SV2C: variants seen among roughly 807,000 people sequenced by gnomAD.
SV2C encodes synaptic vesicle glycoprotein 2C.
SV2C carries 49 observed loss-of-function variants against 79.7 expected under a neutral mutation model. That is an observed-to-expected ratio of 0.61 (90% CI 0.49 to 0.78). SV2C has a LOEUF of 0.78. Ranked by LOEUF, SV2C falls within the 30% of genes least tolerant of loss-of-function variation. The pLI, the probability that SV2C is intolerant of heterozygous loss-of-function variation, is 0.00. For synonymous variants in SV2C, 334 were observed against 333.2 expected (o/e 1.00, Z -0.03); for missense variants, 833 against 912.9 (o/e 0.91, Z 1.13).
At chr5:76,057,875 T>C in the SV2C span, among the ~76,000 whole-genome samples, 2 of 152,126 alleles carry the variant, frequency 1.3e-5, no homozygotes, top group South Asian at 2.1e-4. Context: ...ACAGCAAATA[T>C]TTTTCCTTGA....
At chr5:75,916,804 C>T in the SV2C span, among the ~76,000 whole-genome samples, 33 of 152,268 alleles carry the variant, frequency 2.2e-4, 2 homozygotes, top group South Asian at 2.9e-3. Context: ...CCAGCACTTA[C>T]ACCTTTCTGG....
chr5:75,934,437 C>G, the SV2C span, among the ~76,000 whole-genome samples: 1 of 151,604 alleles, frequency 6.6e-6, no homozygotes, highest in Non-Finnish European at 1.5e-5. Context: ...TAGGCGCACA[C>G]CACCACAGCT....
chr5:76,238,122 G>A (rs764127133), intron 4 of SV2C, among the ~76,000 whole-genome samples: 13 of 151,306 alleles, frequency 8.6e-5, no homozygotes, highest in Non-Finnish European at 1.3e-4. Flanking sequence ...TGGAATGTCC[G>A]TCTAATGGGT....
chr5:75,971,150 A>G, the SV2C span, among the ~76,000 whole-genome samples: 1,118 of 152,198 alleles, frequency 7.3e-3, 11 homozygotes, highest in Non-Finnish European at 0.012. Flanking sequence ...ACTCTCAATA[A>G]ATTAGGTATT....
intron 4 of SV2C, among the ~76,000 whole-genome samples, chr5:76,238,785 A>T (rs529304535): frequency 6.6e-6 from 1 of 152,282 alleles, no homozygotes; most frequent in South Asian, 2.1e-4. Flanking sequence ...TCTGAGAAGG[A>T]TGTGGAGGGG....
intron 1 of SV2C, among the ~76,000 whole-genome samples, chr5:76,112,411 G>A (rs937487515): frequency 2.0e-5 from 3 of 152,210 alleles, no homozygotes; most frequent in Admixed American, 6.5e-5. Context: ...GCAAAGGGCT[G>A]GAAGCAGGAA....
intron 5 of SV2C, 55 bp downstream of exon 5, chr5:76,285,350 CT>C: frequency 6.3e-7 from 1 of 1,598,642 alleles, no homozygotes; most frequent in South Asian, 1.1e-5. Context: ...GAAAAAGTTC[CT>C]TGTTAATTCT....
chr5:76,245,938 G>A (rs1288182009), intron 4 of SV2C, among the ~76,000 whole-genome samples: 22 of 141,818 alleles, frequency 1.6e-4, no homozygotes, highest in Non-Finnish European at 2.6e-4. Flanking sequence ...GTGTGTGTAT[G>A]TGTGTGTGTG....
chr5:75,929,300 T>C, the SV2C span, among the ~76,000 whole-genome samples: 1 of 151,822 alleles, frequency 6.6e-6, no homozygotes, highest in Non-Finnish European at 1.5e-5. Context: ...TGCTGCACAG[T>C]TCATACTCCA....
At chr5:76,307,992 A>T (rs769360556) in intron 12 of SV2C, among the ~76,000 whole-genome samples, 1 of 152,198 alleles carries the variant, frequency 6.6e-6, no homozygotes, top group Non-Finnish European at 1.5e-5. Context: ...TATTCATCAG[A>T]TAATTCTAAC....
At chr5:76,089,801 A>G (rs1561210660) in intron 1 of SV2C, among the ~76,000 whole-genome samples, 2 of 152,182 alleles carry the variant, frequency 1.3e-5, no homozygotes, top group Non-Finnish European at 2.9e-5. Context: ...TTTTTTAACC[A>G]TGAACAAGTT....
At chr5:76,212,800 C>T (rs945235413) in intron 4 of SV2C, among the ~76,000 whole-genome samples, 11 of 152,094 alleles carry the variant, frequency 7.2e-5, no homozygotes, top group African/African-American at 2.7e-4. Flanking sequence ...TTCACACATC[C>T]CTGCCCTTGA....
intron 12 of SV2C, among the ~76,000 whole-genome samples, chr5:76,345,457 T>C (rs1241967587): frequency 6.6e-6 from 1 of 152,222 alleles, no homozygotes; most frequent in East Asian, 1.9e-4. Flanking sequence ...ATATGACATG[T>C]ATTATGATGG....
the SV2C span, among the ~76,000 whole-genome samples, chr5:76,035,889 T>C: frequency 1.3e-5 from 2 of 152,096 alleles, no homozygotes; most frequent in Non-Finnish European, 2.9e-5. Flanking sequence ...CTAAGTCTCT[T>C]TGTAGGTCAC....
the SV2C span, among the ~76,000 whole-genome samples, chr5:76,042,978 A>G: frequency 1.3e-5 from 2 of 152,230 alleles, no homozygotes; most frequent in African/African-American, 4.8e-5. Flanking sequence ...GGCCAATAGA[A>G]TAGTGGTTAG....
At chr5:75,890,911 T>A in the SV2C span, among the ~76,000 whole-genome samples, 3 of 152,054 alleles carry the variant, frequency 2.0e-5, no homozygotes, top group Non-Finnish European at 4.4e-5. Context: ...ACCATTTGTT[T>A]CTGGTTGGCT....
At chr5:76,237,285 T>C (rs1418459643) in intron 4 of SV2C, among the ~76,000 whole-genome samples, 2 of 152,236 alleles carry the variant, frequency 1.3e-5, no homozygotes, top group African/African-American at 4.8e-5. Context: ...TTTCCTGGAG[T>C]TAACAATTAT....
intron 12 of SV2C, among the ~76,000 whole-genome samples, chr5:76,349,240 G>A (rs946096618): frequency 6.6e-6 from 1 of 152,196 alleles, no homozygotes; most frequent in Non-Finnish European, 1.5e-5. Flanking sequence ...GGCCAAGCAC[G>A]GTGGCTCACG....
the SV2C span, among the ~76,000 whole-genome samples, chr5:75,965,833 C>T: frequency 3.3e-5 from 5 of 150,088 alleles, no homozygotes; most frequent in East Asian, 9.7e-4. Context: ...TCCAGTTCTC[C>T]AGAAAAAAAA....
Sources: gnomAD v4.1 joint callset for allele counts (sites outside exome capture counted in the v4.1 genomes callset) on GRCh38, gnomAD v4.1.1 for gene constraint, MANE v1.5 for transcripts, NCBI Gene and HGNC (gene_info 2026-07-23, HGNC 2026-07-21) for gene names.